PITPNC1: variants seen among roughly 807,000 people sequenced by gnomAD.
PITPNC1 encodes phosphatidylinositol transfer protein cytoplasmic 1.
In PITPNC1, 18 loss-of-function variants were observed where a neutral mutation model predicts 44.7. That is an observed-to-expected ratio of 0.40 (90% CI 0.28 to 0.60). The LOEUF (loss-of-function observed/expected upper bound fraction) is 0.60. Ranked by LOEUF, PITPNC1 falls within the 20% of genes least tolerant of loss-of-function variation. The probability of loss-of-function intolerance (pLI) is 0.39; values close to 1 mark genes in which losing one functional copy is unlikely to be tolerated. For missense variants in PITPNC1, 290 were observed against 418.4 expected (o/e 0.69, Z 2.68); for synonymous variants, 141 against 149.6 (o/e 0.94, Z 0.42).
At chr17:67,522,627 A>G (rs955173979) in intron 1 of PITPNC1, among the ~76,000 whole-genome samples, 2 of 145,910 alleles carry the variant, frequency 1.4e-5, no homozygotes, top group African/African-American at 2.7e-5. Context: ...ATTGTGATCA[A>G]ATATACATAT....
intron 5 of PITPNC1, among the ~76,000 whole-genome samples, chr17:67,621,180 CATTTTATTTTATTTT>C (rs10653389): frequency 0.046 from 6,013 of 129,814 alleles, 296 homozygotes; most frequent in African/African-American, 0.12. Context: ...GTCTGAAGCA[CATTTTATTTTATTTT>C]ATTTTATTTT....
chr17:67,528,404 C>G (rs1022396519), intron 1 of PITPNC1, among the ~76,000 whole-genome samples: 1 of 152,242 alleles, frequency 6.6e-6, no homozygotes, highest in African/African-American at 2.4e-5. Context: ...GTGCCTTGCA[C>G]TAATGGGCAA....
At chr17:67,513,399 CTAT>C (rs1271529795) in intron 1 of PITPNC1, among the ~76,000 whole-genome samples, 6 of 144,014 alleles carry the variant, frequency 4.2e-5, no homozygotes, top group African/African-American at 1.6e-4. Flanking sequence ...ATATCTATAT[CTAT>C]ATCTACATCT....
chr17:67,493,647 GA>G (rs951737320), intron 1 of PITPNC1, among the ~76,000 whole-genome samples: 1 of 152,216 alleles, frequency 6.6e-6, no homozygotes, highest in African/African-American at 2.4e-5. Flanking sequence ...GATCTTTCTG[GA>G]AATGGGGGAG....
At chr17:67,391,210 G>A (rs8066725) in intron 1 of PITPNC1, among the ~76,000 whole-genome samples, 39,242 of 151,702 alleles carry the variant, frequency 0.26, 5,379 homozygotes, top group African/African-American at 0.34. Context: ...TTAGGGTGTT[G>A]TTTCTTTCCT....
rs115050640 is a variant in PITPNC1, at chr17:67,662,765, A to G, written c.463-6743A>G. Reference sequence around the variant, plus strand: ...GTGTTGGTGCATGTATCAGTACTTCATTTCTTCTTTTTTTTAAATTTCAAC... The same window carrying G: ...GTGTTGGTGCATGTATCAGTACTTCGTTTCTTCTTTTTTTTAAATTTCAAC... On this transcript the variant is annotated intron_variant, in intron 6 of 8. Coordinates refer to ENST00000581322, the MANE Select transcript of PITPNC1 (RefSeq NM_012417.4). Among the ~76,000 whole-genome samples, 1,003 of 151,756 alleles carry G rather than the reference A, an allele frequency of 6.6e-3. 12 individuals are homozygous for G. The highest frequency in any genetic ancestry group is 0.023 in the African/African-American group (965 of 41,352).
At chr17:67,636,038 C>T (rs2042027677) in intron 6 of PITPNC1, among the ~76,000 whole-genome samples, 1 of 152,118 alleles carries the variant, frequency 6.6e-6, no homozygotes, top group Non-Finnish European at 1.5e-5. Flanking sequence ...GTGGCTCACG[C>T]CTATAATCCC....
intron 1 of PITPNC1, among the ~76,000 whole-genome samples, chr17:67,378,584 C>T (rs965021988): frequency 4.6e-5 from 7 of 152,176 alleles, no homozygotes; most frequent in African/African-American, 1.7e-4. Flanking sequence ...GCCGTGGGCC[C>T]AGCCTCCCCT....
intron 1 of PITPNC1, among the ~76,000 whole-genome samples, chr17:67,443,920 T>TC (rs1287457694): frequency 2.0e-5 from 3 of 151,930 alleles, no homozygotes; most frequent in Non-Finnish European, 4.4e-5. Context: ...CAGGCGTGAG[T>TC]CACTGCGCCC....
chr17:67,627,657 G>A (rs2041911823), intron 5 of PITPNC1, among the ~76,000 whole-genome samples: 1 of 152,176 alleles, frequency 6.6e-6, no homozygotes, highest in Admixed American at 6.5e-5. Context: ...GTTTATCTTA[G>A]CGGTTGGATG....
At chr17:67,599,020 ATATATATATATATATTTTT>A (rs1459939964) in intron 5 of PITPNC1, among the ~76,000 whole-genome samples, 7 of 39,242 alleles carry the variant, frequency 1.8e-4, no homozygotes, top group African/African-American at 5.6e-4. Flanking sequence ...ATATATATAT[ATATATATATATATATTTTT>A]TTTTTTTTTT....
intron 1 of PITPNC1, among the ~76,000 whole-genome samples, chr17:67,513,489 G>GTGTGTATATATATATA (rs772483698): frequency 1.7e-4 from 23 of 138,662 alleles, no homozygotes; most frequent in African/African-American, 5.6e-4. Context: ...GTGTGTGTGT[G>GTGTGTATATATATATA]TATATATATA....
chr17:67,588,496 C>A (rs1292644127), intron 5 of PITPNC1, among the ~76,000 whole-genome samples: 1 of 152,122 alleles, frequency 6.6e-6, no homozygotes, highest in Non-Finnish European at 1.5e-5. Flanking sequence ...CCTGCCCCAC[C>A]CCACCCAGGG....
chr17:67,623,443 G>T (rs1429324540), intron 5 of PITPNC1, among the ~76,000 whole-genome samples: 7 of 152,092 alleles, frequency 4.6e-5, no homozygotes, highest in Non-Finnish European at 8.8e-5. Context: ...ACAATGGCGT[G>T]ATCTTGGCTC....
At chr17:67,449,173 A>G (rs569761824) in intron 1 of PITPNC1, among the ~76,000 whole-genome samples, 1 of 152,354 alleles carries the variant, frequency 6.6e-6, no homozygotes, top group African/African-American at 2.4e-5. Flanking sequence ...CACCCAAGCA[A>G]TAAATCCATT....
intron 1 of PITPNC1, among the ~76,000 whole-genome samples, chr17:67,394,937 T>A (rs1302030743): frequency 6.6e-6 from 1 of 151,580 alleles, no homozygotes; most frequent in African/African-American, 2.4e-5. Flanking sequence ...GGCTCATACC[T>A]ATAATCTCAA....
intron 1 of PITPNC1, among the ~76,000 whole-genome samples, chr17:67,447,708 C>G (rs1442892917): frequency 1.3e-5 from 2 of 150,006 alleles, no homozygotes; most frequent in South Asian, 2.1e-4. Context: ...GCCATCCCTG[C>G]TTGGAGTCAG....
At chr17:67,458,682 G>T (rs2039289955) in intron 1 of PITPNC1, among the ~76,000 whole-genome samples, 1 of 151,988 alleles carries the variant, frequency 6.6e-6, no homozygotes, top group South Asian at 2.1e-4. Context: ...AATCTTGTTT[G>T]TTGTATTTGC....
At chr17:67,505,422 T>C (rs139365803) in intron 1 of PITPNC1, among the ~76,000 whole-genome samples, 283 of 152,354 alleles carry the variant, frequency 1.9e-3, no homozygotes, top group Non-Finnish European at 3.5e-3. Context: ...CATACCTGTT[T>C]ATCATTGTAT....
Sources: gnomAD v4.1 joint callset for allele counts (sites outside exome capture counted in the v4.1 genomes callset) on GRCh38, gnomAD v4.1.1 for gene constraint, MANE v1.5 for transcripts, NCBI Gene and HGNC (gene_info 2026-07-23, HGNC 2026-07-21) for gene names.